TMPRSS11F: variants seen among roughly 807,000 people sequenced by gnomAD.
The protein encoded by TMPRSS11F is transmembrane serine protease 11F, also known as transmembrane protease serine 11F.
A neutral mutation model predicts 60.2 loss-of-function variants in TMPRSS11F; 47 were observed. The observed-to-expected ratio is 0.78, with a 90% CI of 0.62 to 1.00. TMPRSS11F has a LOEUF of 1.00. Ranked by LOEUF, TMPRSS11F falls within the 50% of genes least tolerant of loss-of-function variation. The pLI is 0.00. For synonymous variants in TMPRSS11F, 166 were observed against 167.3 expected (o/e 0.99, Z 0.06); for missense variants, 519 against 522.9 (o/e 0.99, Z 0.07).
intron 1 of TMPRSS11F, among the ~76,000 whole-genome samples, chr4:68,101,800 C>A (rs954108100): frequency 1.3e-5 from 2 of 152,086 alleles, no homozygotes; most frequent in African/African-American, 4.8e-5. Flanking sequence ...ATTCACTTAT[C>A]CTTTATCTCA....
At position 68,123,225 on chromosome 4, in the gene TMPRSS11F, TGAA is replaced by T. The variant is rs545498561; in HGVS notation, c.11+6582_11+6584del. On this transcript the variant is annotated intron_variant, in intron 1 of 9. Transcript: ENST00000356291. ...AAGAAATTAATGGTTTTGGCAGTTT[TGAA>T]GAAGTAGTACACTGACTAAATTCTT... Among the ~76,000 whole-genome samples, 22 of 152,340 alleles carry T rather than the reference TGAA, an allele frequency of 1.4e-4. 1 individual carries two copies. Among genetic ancestry groups the T allele is most frequent in the African/African-American group, 4.8e-4 (20 of 41,576 alleles).
chr4:68,057,083 G>C (rs1837214), intron 9 of TMPRSS11F, among the ~76,000 whole-genome samples: 1 of 151,716 alleles, frequency 6.6e-6, no homozygotes. Flanking sequence ...TCAGGAGTTC[G>C]AGACCAGCCT....
chr4:68,081,364 CA>C (rs1272702814), intron 3 of TMPRSS11F, among the ~76,000 whole-genome samples: 2 of 152,160 alleles, frequency 1.3e-5, no homozygotes, highest in Non-Finnish European at 2.9e-5. Flanking sequence ...AAAGTGAAGT[CA>C]ATGTATCATA....
In TMPRSS11F at chr4:68,098,875, C is replaced by G; in HGVS notation, c.163+12G>C. ...AGTACTTAGGCAATGGAACTGTGAC[C>G]TGGATACTTACCCTCAACAACAAAA... On this transcript the variant is annotated intron_variant, in intron 2 of 9. Transcript: ENST00000356291. The G allele has an allele frequency of 6.2e-7, 1 of 1,604,614 alleles. No homozygotes were observed. Among genetic ancestry groups the G allele is most frequent in the Non-Finnish European group, 8.5e-7 (1 of 1,175,674 alleles).
At chr4:68,081,403 T>G (rs910994597) in intron 3 of TMPRSS11F, among the ~76,000 whole-genome samples, 2 of 152,256 alleles carry the variant, frequency 1.3e-5, no homozygotes, top group African/African-American at 4.8e-5. Context: ...CCAGAACTCA[T>G]GTTTATATTT....
chr4:68,055,665 A>G (rs1034348171), intron 9 of TMPRSS11F, among the ~76,000 whole-genome samples: 1 of 152,160 alleles, frequency 6.6e-6, no homozygotes, highest in Non-Finnish European at 1.5e-5. Flanking sequence ...AATAATACCA[A>G]TCTTTCTTAA....
At chr4:68,095,344 C>T (rs113933239) in intron 2 of TMPRSS11F, among the ~76,000 whole-genome samples, 24 of 151,994 alleles carry the variant, frequency 1.6e-4, no homozygotes, top group African/African-American at 5.3e-4. Context: ...TGACTCAATA[C>T]AAAATGGGAA....
chr4:68,064,189 CTTTTTTTTT>C (rs571554504), intron 8 of TMPRSS11F, among the ~76,000 whole-genome samples: 1 of 119,806 alleles, frequency 8.3e-6, no homozygotes. Flanking sequence ...TCTTTTTTTT[CTTTTTTTTT>C]TTTGGAGACG....
intron 7 of TMPRSS11F, 38 bp from the exon 8 acceptor site, chr4:68,064,982 C>T: frequency 1.3e-6 from 2 of 1,565,204 alleles, no homozygotes; most frequent in Non-Finnish European, 1.7e-6. Flanking sequence ...TGATGCTTGA[C>T]TTAATTCTGT....
At chr4:68,117,710 C>T (rs1724555668) in intron 1 of TMPRSS11F, among the ~76,000 whole-genome samples, 1 of 152,066 alleles carries the variant, frequency 6.6e-6, no homozygotes, top group African/African-American at 2.4e-5. Context: ...GCTCCAAGTT[C>T]TCAACTGTCA....
intron 3 of TMPRSS11F, among the ~76,000 whole-genome samples, chr4:68,086,571 A>T (rs1723817981): frequency 6.6e-6 from 1 of 152,128 alleles, no homozygotes; most frequent in African/African-American, 2.4e-5. Context: ...TTAAAAAAAG[A>T]TCAACAAAAC....
intron 7 of TMPRSS11F, 137 bp downstream of exon 7, chr4:68,068,481 A>C (rs1183403214): frequency 7.6e-6 from 5 of 661,860 alleles, no homozygotes; most frequent in African/African-American, 7.2e-5. Flanking sequence ...GGGAAGCATA[A>C]TCCATTTAGG....
intron 1 of TMPRSS11F, among the ~76,000 whole-genome samples, chr4:68,127,977 C>T (rs903802853): frequency 1.3e-5 from 2 of 152,058 alleles, no homozygotes; most frequent in African/African-American, 4.8e-5. Context: ...ACTTATAAAC[C>T]TTCCCCACAT....
intron 8 of TMPRSS11F, chr4:68,062,782 G>A (rs755040458): frequency 1.3e-6 from 1 of 746,024 alleles, no homozygotes; most frequent in African/African-American, 1.7e-5. Flanking sequence ...GCCGCCCTCT[G>A]CGGATGGATA....
chr4:68,081,670 A>T (rs962398629), intron 3 of TMPRSS11F, among the ~76,000 whole-genome samples: 2 of 152,236 alleles, frequency 1.3e-5, no homozygotes, highest in Non-Finnish European at 2.9e-5. Context: ...AACAATTAGT[A>T]TCTTGTTTTA....
intron 4 of TMPRSS11F, 60 bp downstream of exon 4, chr4:68,073,882 G>A (rs1723530147): frequency 3.7e-6 from 4 of 1,079,174 alleles, no homozygotes; most frequent in Middle Eastern, 2.1e-4. Context: ...AAGCAATTAG[G>A]TTCATCAAAT....
At chr4:68,078,275 T>C (rs1020172200) in intron 3 of TMPRSS11F, among the ~76,000 whole-genome samples, 1 of 152,224 alleles carries the variant, frequency 6.6e-6, no homozygotes, top group Non-Finnish European at 1.5e-5. Context: ...CATTTTCCTC[T>C]TCCTACAACT....
intron 2 of TMPRSS11F, 69 bp from the exon 3 acceptor site, chr4:68,090,710 C>T: frequency 3.9e-6 from 6 of 1,526,440 alleles, no homozygotes; most frequent in Non-Finnish European, 5.3e-6. Flanking sequence ...TACGTCTTGC[C>T]CACACCTGCT....
intron 1 of TMPRSS11F, among the ~76,000 whole-genome samples, chr4:68,122,743 T>C (rs1166129321): frequency 6.6e-6 from 1 of 152,206 alleles, no homozygotes; most frequent in African/African-American, 2.4e-5. Flanking sequence ...TTTATTAAAT[T>C]ACTTCCAGAA....
Sources: gnomAD v4.1 joint callset for allele counts (sites outside exome capture counted in the v4.1 genomes callset) on GRCh38, gnomAD v4.1.1 for gene constraint, MANE v1.5 for transcripts, NCBI Gene and HGNC (gene_info 2026-07-23, HGNC 2026-07-21) for gene names.